The following VPS13B variants were observed in gnomAD, a reference collection of about 807,000 sequenced individuals.
VPS13B encodes the protein vacuolar protein sorting 13 homolog B.
In VPS13B, 285 loss-of-function variants were observed where a neutral mutation model predicts 426.4. The observed-to-expected ratio is 0.67, with a 90% CI of 0.61 to 0.74. The LOEUF is 0.74. VPS13B is among the 30% of genes least tolerant of loss of function. The probability of loss-of-function intolerance (pLI) is 0.00; values close to 1 mark genes in which losing one functional copy is unlikely to be tolerated. For synonymous variants in VPS13B, 1,676 were observed against 1,676.4 expected (o/e 1.00, Z 0.01); for missense variants, 4,537 against 4,782.6 (o/e 0.95, Z 1.51).
intron 24 of VPS13B, among the ~76,000 whole-genome samples, chr8:99,477,252 T>A (rs1819745117): frequency 6.6e-6 from 1 of 152,222 alleles, no homozygotes; most frequent in South Asian, 2.1e-4. Flanking sequence ...CACGCAGACA[T>A]ACACATGACC....
At chr8:99,326,984 C>T (rs1046746710) in intron 19 of VPS13B, among the ~76,000 whole-genome samples, 2 of 152,138 alleles carry the variant, frequency 1.3e-5, no homozygotes, top group African/African-American at 2.4e-5. Context: ...ATTGTTAATA[C>T]TGGGTTTTGG....
At chr8:99,391,347 CTG>C (rs918033064) in intron 20 of VPS13B, among the ~76,000 whole-genome samples, 18 of 145,994 alleles carry the variant, frequency 1.2e-4, no homozygotes, top group African/African-American at 4.2e-4. Flanking sequence ...GCATGTGTGT[CTG>C]TGTCTGTGTG....
chr8:99,249,094 T>A (rs1171071479), intron 17 of VPS13B, among the ~76,000 whole-genome samples: 1 of 152,206 alleles, frequency 6.6e-6, no homozygotes, highest in Non-Finnish European at 1.5e-5. Flanking sequence ...CTTTTGTCTC[T>A]GTGGATTTTC....
chr8:99,767,935 C>CA (rs1397251054), intron 40 of VPS13B, among the ~76,000 whole-genome samples: 3 of 151,742 alleles, frequency 2.0e-5, no homozygotes, highest in South Asian at 4.2e-4. Flanking sequence ...TCACACACAC[C>CA]AAAAAAAATC....
chr8:99,710,268 A>G (rs1310557113), intron 36 of VPS13B, among the ~76,000 whole-genome samples: 1 of 152,206 alleles, frequency 6.6e-6, no homozygotes, highest in Non-Finnish European at 1.5e-5. Context: ...CCAATGTTCC[A>G]TTGTTAAGAA....
chr8:99,214,618 CTA>C (rs1163443994), intron 17 of VPS13B, among the ~76,000 whole-genome samples: 1 of 152,030 alleles, frequency 6.6e-6, no homozygotes, highest in Non-Finnish European at 1.5e-5. Context: ...TACTTTTTAC[CTA>C]TGTTTAATCA....
chr8:99,329,522 A>G (rs974100081), intron 19 of VPS13B, among the ~76,000 whole-genome samples: 3 of 152,090 alleles, frequency 2.0e-5, no homozygotes, highest in African/African-American at 7.2e-5. Flanking sequence ...ATTCAAGGAA[A>G]TCCATCTGCT....
intron 19 of VPS13B, among the ~76,000 whole-genome samples, chr8:99,293,454 GGCATTACCATTCA>G (rs1459607439): frequency 9.3e-6 from 1 of 107,436 alleles, no homozygotes; most frequent in Non-Finnish European, 1.9e-5. Context: ...AGAAAACCTA[GGCATTACCATTCA>G]GGACATAGGC....
intron 33 of VPS13B, among the ~76,000 whole-genome samples, chr8:99,618,018 C>T (rs909959209): frequency 6.6e-6 from 1 of 152,058 alleles, no homozygotes; most frequent in Non-Finnish European, 1.5e-5. Flanking sequence ...GTAAGCAGTA[C>T]TTTCCTTTCT....
intron 23 of VPS13B, among the ~76,000 whole-genome samples, chr8:99,447,750 G>A (rs1022217977): frequency 6.6e-6 from 1 of 152,066 alleles, no homozygotes; most frequent in Non-Finnish European, 1.5e-5. Context: ...GTCACATATT[G>A]TTAAAATACA....
chr8:99,064,635 G>C (rs566048287), intron 3 of VPS13B, among the ~76,000 whole-genome samples: 4 of 152,330 alleles, frequency 2.6e-5, no homozygotes, highest in African/African-American at 7.2e-5. Flanking sequence ...CTTTTGATTA[G>C]TGTACCTGAA....
chr8:99,661,670 C>T (rs184052678), intron 35 of VPS13B, among the ~76,000 whole-genome samples, 179 bp downstream of exon 35: 6 of 152,144 alleles, frequency 3.9e-5, no homozygotes, highest in Admixed American at 3.3e-4. Context: ...TATAAATATG[C>T]ATTAAGAATT....
intron 15 of VPS13B, among the ~76,000 whole-genome samples, chr8:99,168,906 T>A (rs1812170963): frequency 6.6e-6 from 1 of 152,044 alleles, no homozygotes; most frequent in Admixed American, 6.6e-5. Flanking sequence ...AACATTGTTT[T>A]GTTCACTCAA....
intron 14 of VPS13B, among the ~76,000 whole-genome samples, chr8:99,148,320 C>A (rs1346322843): frequency 6.7e-6 from 1 of 149,292 alleles, no homozygotes; most frequent in East Asian, 2.0e-4. Flanking sequence ...ACTATGATCA[C>A]GCCACTACAC....
chr8:99,066,032 C>T (rs1587988261), intron 3 of VPS13B, among the ~76,000 whole-genome samples: 2 of 152,338 alleles, frequency 1.3e-5, no homozygotes, highest in East Asian at 1.9e-4. Flanking sequence ...ACATTCCATG[C>T]TCATGGATAG....
intron 37 of VPS13B, among the ~76,000 whole-genome samples, chr8:99,717,736 A>T (rs1464765133): frequency 1.3e-5 from 2 of 152,162 alleles, no homozygotes; most frequent in African/African-American, 4.8e-5. Flanking sequence ...CTGTCTCCAT[A>T]GATTTACCTA....
intron 7 of VPS13B, chr8:99,120,728 T>TC (rs1193816120): frequency 6.6e-6 from 1 of 152,648 alleles, no homozygotes. Context: ...ATTTTTTTTT[T>TC]CCTCCATGGG....
intron 41 of VPS13B, 59 bp downstream of exon 41, chr8:99,777,015 G>A (rs1811774066): frequency 6.4e-7 from 1 of 1,562,482 alleles, no homozygotes; most frequent in Non-Finnish European, 8.8e-7. Context: ...TTTCTCTTGA[G>A]TGTTTTCAAA....
At chr8:99,078,365 C>G (rs1166279103) in intron 3 of VPS13B, among the ~76,000 whole-genome samples, 1 of 148,294 alleles carries the variant, frequency 6.7e-6, no homozygotes, top group Non-Finnish European at 1.5e-5. Context: ...TTGTAGGGTG[C>G]TTTGTCTTTG....
Sources: allele counts gnomAD v4.1 joint callset (sites outside exome capture counted in the v4.1 genomes callset), GRCh38; gene constraint gnomAD v4.1.1; transcripts MANE v1.5; gene names NCBI Gene and HGNC (gene_info 2026-07-23, HGNC 2026-07-21).